Variants in TMTC2 observed in about 807,000 individuals in gnomAD.
TMTC2 encodes transmembrane O-mannosyltransferase targeting cadherins 2.
Under a neutral mutation model 82.4 loss-of-function variants are expected in TMTC2, and 43 were observed. That is an observed-to-expected ratio of 0.52 (90% CI 0.41 to 0.67). The LOEUF is 0.67. TMTC2 is among the 30% of genes least tolerant of loss of function. The pLI is 0.00. For missense variants in TMTC2, 919 were observed against 1,012.4 expected, an observed-to-expected ratio of 0.91 and a Z score of 1.25; for synonymous variants, 408 against 381.9, an observed-to-expected ratio of 1.07 and a Z score of -0.80.
At chr12:82,787,882 C>T (rs956297492) in intron 1 of TMTC2, among the ~76,000 whole-genome samples, 7 of 151,984 alleles carry the variant, frequency 4.6e-5, no homozygotes, top group African/African-American at 1.7e-4. Context: ...CAATGCACTC[C>T]AGCCTGGGTG....
chr12:83,019,425 G>A (rs182540601), intron 8 of TMTC2, among the ~76,000 whole-genome samples: 1 of 152,112 alleles, frequency 6.6e-6, no homozygotes, highest in African/African-American at 2.4e-5. Flanking sequence ...ATGAAATCTA[G>A]TGGATGTTTT....
Position 82,860,915 on chromosome 12 carries a change from A to G in TMTC2, c.654+3335A>G, listed in dbSNP as rs1275454257. Among the ~76,000 whole-genome samples, 3 of 152,226 alleles carry G rather than the reference A, an allele frequency of 2.0e-5. No individual in the cohort carries two copies. In the East Asian group the frequency reaches 5.8e-4, roughly 29 times the overall value. On this transcript the variant is annotated intron_variant, in intron 2 of 11. Coordinates refer to ENST00000321196, the MANE Select transcript of TMTC2 (RefSeq NM_152588.3). ...ATATGAAAGTTATAGAAAATTCCAT[A>G]TTCTGTCTGTAAAATATATAGATTT...
intron 11 of TMTC2, among the ~76,000 whole-genome samples, chr12:83,086,910 G>A (rs1883680059): frequency 2.6e-5 from 4 of 152,200 alleles, no homozygotes; most frequent in African/African-American, 9.6e-5. Context: ...CTGAAGGCTG[G>A]GCTGGCTGTG....
In TMTC2 at chr12:82,745,710, G is replaced by T. The variant is rs1875653418; in HGVS notation, c.83+58041G>T. On this transcript the variant is annotated intron_variant, in intron 1 of 11. Transcript: ENST00000321196. Reference sequence around the variant, plus strand: ...GTCACATCAGCCTGCAATAGAACAGGATTATTTATGCTTTCAAAAAAATAC... The same window carrying T: ...GTCACATCAGCCTGCAATAGAACAGTATTATTTATGCTTTCAAAAAAATAC... Among the ~76,000 whole-genome samples, 3 of 152,156 alleles carry T rather than the reference G, an allele frequency of 2.0e-5. No homozygotes were observed. The South Asian group carries it at 6.2e-4, about 32-fold the overall frequency.
intron 1 of TMTC2, among the ~76,000 whole-genome samples, chr12:82,847,711 C>T (rs148548293): frequency 0.011 from 1,605 of 151,918 alleles, 38 homozygotes; most frequent in African/African-American, 0.037. Flanking sequence ...AACCAAATAC[C>T]GCATGTTCTT....
chr12:82,878,119 T>G (rs776067575), intron 2 of TMTC2, among the ~76,000 whole-genome samples: 2 of 152,230 alleles, frequency 1.3e-5, no homozygotes, highest in Non-Finnish European at 2.9e-5. Flanking sequence ...TGCTCAATCA[T>G]TCATGTACCC....
intron 1 of TMTC2, among the ~76,000 whole-genome samples, chr12:82,775,203 C>T (rs1877523173): frequency 2.0e-5 from 3 of 152,048 alleles, no homozygotes; most frequent in Admixed American, 6.6e-5. Flanking sequence ...GTAATCCCTG[C>T]ACTTGGAGAC....
At chr12:82,987,678 G>T (rs1565840885) in intron 8 of TMTC2, among the ~76,000 whole-genome samples, 1 of 152,086 alleles carries the variant, frequency 6.6e-6, no homozygotes, top group Non-Finnish European at 1.5e-5. Context: ...CCAGTGAGAA[G>T]GTGGTTTTTG....
chr12:82,925,566 T>G (rs1875652494), intron 3 of TMTC2, among the ~76,000 whole-genome samples: 2 of 152,224 alleles, frequency 1.3e-5, no homozygotes, highest in Non-Finnish European at 1.5e-5. Context: ...AGCTGGTCAG[T>G]GCCGTTTTTC....
intron 3 of TMTC2, among the ~76,000 whole-genome samples, chr12:82,903,422 G>GT (rs895071481): frequency 7.9e-5 from 12 of 151,948 alleles, no homozygotes; most frequent in Non-Finnish European, 1.5e-4. Flanking sequence ...TTTTTGTTTT[G>GT]TTTTTTTGAG....
At chr12:82,964,871 A>G (rs887262511) in intron 4 of TMTC2, among the ~76,000 whole-genome samples, 153 bp from the exon 5 acceptor site, 3 of 152,068 alleles carry the variant, frequency 2.0e-5, no homozygotes, top group African/African-American at 7.2e-5. Context: ...CTGAGGAATC[A>G]TTTCCTTATA....
chr12:83,021,208 T>C (rs1181164198), intron 8 of TMTC2, among the ~76,000 whole-genome samples: 2 of 152,172 alleles, frequency 1.3e-5, no homozygotes, highest in African/African-American at 4.8e-5. Flanking sequence ...CATTGCAAGG[T>C]ATCCGATTTC....
intron 9 of TMTC2, among the ~76,000 whole-genome samples, chr12:83,041,416 G>A (rs890136152): frequency 4.6e-5 from 7 of 152,080 alleles, no homozygotes; most frequent in Non-Finnish European, 1.0e-4. Flanking sequence ...AAAGTTGTAA[G>A]GATTTATTTA....
chr12:82,889,646 G>A (rs1012183883), intron 2 of TMTC2, among the ~76,000 whole-genome samples: 1 of 151,132 alleles, frequency 6.6e-6, no homozygotes, highest in Admixed American at 6.6e-5. Flanking sequence ...CACAAATAAG[G>A]TAGTATTTTT....
intron 1 of TMTC2, among the ~76,000 whole-genome samples, chr12:82,797,372 A>C (rs1308286659): frequency 1.3e-5 from 2 of 152,190 alleles, no homozygotes; most frequent in Non-Finnish European, 2.9e-5. Context: ...AGCATAATGA[A>C]TTGGACAATC....
chr12:83,001,704 C>T (rs928662656), intron 8 of TMTC2, among the ~76,000 whole-genome samples: 6 of 150,572 alleles, frequency 4.0e-5, no homozygotes, highest in African/African-American at 1.5e-4. Flanking sequence ...TCATCTCTCT[C>T]AAGTTCAAAG....
intron 1 of TMTC2, among the ~76,000 whole-genome samples, chr12:82,729,377 T>A (rs1874641682): frequency 6.6e-6 from 1 of 152,064 alleles, no homozygotes; most frequent in African/African-American, 2.4e-5. Flanking sequence ...CCTTTATGTC[T>A]AGCTAAGGGT....
At chr12:82,726,261 C>G (rs999793547) in intron 1 of TMTC2, among the ~76,000 whole-genome samples, 11 of 152,046 alleles carry the variant, frequency 7.2e-5, no homozygotes, top group Admixed American at 3.3e-4. Flanking sequence ...TTTGGGCAAA[C>G]TAAAAACAAT....
chr12:82,948,716 A>G (rs549477591), intron 4 of TMTC2, among the ~76,000 whole-genome samples: 2 of 152,316 alleles, frequency 1.3e-5, no homozygotes, highest in East Asian at 3.9e-4. Flanking sequence ...AGTGCATTGC[A>G]CTAAATCTCT....
Sources: gnomAD v4.1 joint callset for allele counts (sites outside exome capture counted in the v4.1 genomes callset) on GRCh38, gnomAD v4.1.1 for gene constraint, MANE v1.5 for transcripts, NCBI Gene and HGNC (gene_info 2026-07-23, HGNC 2026-07-21) for gene names.